The following PROCR variants were observed in gnomAD, a reference collection of about 807,000 sequenced individuals.
PROCR encodes endothelial protein C receptor.
In PROCR, 22 loss-of-function variants were observed where a neutral mutation model predicts 24.2. The observed-to-expected ratio is 0.91, with a 90% CI of 0.65 to 1.30. The LOEUF (loss-of-function observed/expected upper bound fraction) is 1.30, where lower values mean the gene tolerates loss of function less well. PROCR is among the 50% of genes most tolerant of loss of function. PROCR has a pLI of 0.00. For synonymous variants in PROCR, 137 were observed against 139.2 expected, an observed-to-expected ratio of 0.98 and a Z score of 0.11; for missense variants, 288 against 307.7, an observed-to-expected ratio of 0.94 and a Z score of 0.48.
intron 1 of PROCR, among the ~76,000 whole-genome samples, chr20:35,210,513 C>T (rs1188135620): frequency 2.0e-5 from 3 of 152,032 alleles, no homozygotes; most frequent in Non-Finnish European, 4.4e-5. Flanking sequence ...CGCCACTGCA[C>T]TCCAGCCTGG....
chr20:35,172,199 C>G lies in PROCR; in HGVS notation c.45C>G (p.Ala15=). ...LLPILLLSGW[A]FCSQDASDGL... is the part of the protein sequence containing the mutation. ...CGATACTGCTGCTGTCTGGCTGGGC[C>G]TTTTGTAGCCAAGACGCCTCAGATG... is the stretch of plus-strand genomic sequence containing the variant. The change falls in exon 1 of 4, where the codon GCC becomes GCG. Residue 15 remains alanine, a synonymous_variant. Coordinates refer to ENST00000216968, the MANE Select transcript of PROCR (RefSeq NM_006404.5). 6.2e-7 allele frequency: 1 copy of G among 1,614,198 alleles called. No individual in the cohort carries two copies. The highest frequency in any genetic ancestry group is 8.5e-7 in the Non-Finnish European group (1 of 1,180,040).
intron 1 of PROCR, among the ~76,000 whole-genome samples, chr20:35,208,057 C>G (rs565803671): frequency 6.6e-6 from 1 of 152,204 alleles, no homozygotes; most frequent in African/African-American, 2.4e-5. Context: ...AGTGAGCAGG[C>G]CTGGGAGTGG....
downstream of PROCR, among the ~76,000 whole-genome samples, chr20:35,178,414 T>TAAAA (rs374008630): frequency 7.2e-4 from 36 of 49,824 alleles, 1 homozygote; most frequent in South Asian, 3.3e-3. Context: ...TTTTTAATTC[T>TAAAA]AAAAAAAAAA....
chr20:35,172,187 G>A lies in PROCR; in HGVS notation c.33G>A (p.Leu11=). The part of the protein sequence containing the change: MLTTLLPILL[L]SGWAFCSQDA... ...CAACATTGCTGCCGATACTGCTGCT[G>A]TCTGGCTGGGCCTTTTGTAGCCAAG... is the stretch of plus-strand genomic sequence containing the variant. The change falls in exon 1 of 4, where the codon CTG becomes CTA. Residue 11 remains leucine (L), a synonymous_variant. Coordinates refer to ENST00000216968, the MANE Select transcript of PROCR (RefSeq NM_006404.5). The A allele has an allele frequency of 6.2e-7, 1 of 1,614,226 alleles. No homozygotes were observed. The highest frequency in any genetic ancestry group is 8.5e-7 in the Non-Finnish European group (1 of 1,180,038).
intron 1 of PROCR, among the ~76,000 whole-genome samples, chr20:35,208,864 C>T (rs894852751): frequency 1.3e-5 from 2 of 151,988 alleles, no homozygotes; most frequent in East Asian, 1.9e-4. Context: ...ACCAGCTACT[C>T]GGGAGGCTGA....
At chr20:35,176,487 G>A in intron 3 of PROCR, 41 bp downstream of exon 3, 1 of 1,609,444 alleles carries the variant, frequency 6.2e-7, no homozygotes. Context: ...CTGGGGAGAG[G>A]GCGGGTTCCA....
At chr20:35,197,128 T>C (rs2086222913) in intron 1 of PROCR, among the ~76,000 whole-genome samples, 1 of 152,196 alleles carries the variant, frequency 6.6e-6, no homozygotes, top group Non-Finnish European at 1.5e-5. Flanking sequence ...TTCAAACTTG[T>C]TTTTTCTTTT....
intron 1 of PROCR, among the ~76,000 whole-genome samples, chr20:35,184,937 A>G (rs1298994849): frequency 3.3e-5 from 5 of 152,014 alleles, no homozygotes; most frequent in Admixed American, 2.6e-4. Flanking sequence ...GTAAACAGAC[A>G]ACTCACAGAG....
chr20:35,215,920 G>C (rs766849819), exon 2 of PROCR: 8 of 983,816 alleles, frequency 8.1e-6, no homozygotes, highest in Non-Finnish European at 9.7e-6. Context: ...CACTCTGGCC[G>C]GGCGCAGTGG....
chr20:35,183,974 A>G (rs541792951), intron 1 of PROCR, among the ~76,000 whole-genome samples: 137 of 152,350 alleles, frequency 9.0e-4, no homozygotes, highest in Non-Finnish European at 7.9e-4. Context: ...AAATGACCAT[A>G]CTGCCAAAAG....
chr20:35,171,842 C>T (rs905836372), upstream of PROCR, among the ~76,000 whole-genome samples: 2 of 152,072 alleles, frequency 1.3e-5, no homozygotes, highest in African/African-American at 2.4e-5. Flanking sequence ...CCCCCTTTTC[C>T]GCTCCCTGTT....
chr20:35,196,040 A>T (rs1410205937), intron 1 of PROCR, among the ~76,000 whole-genome samples: 1 of 148,300 alleles, frequency 6.7e-6, no homozygotes, highest in Non-Finnish European at 1.5e-5. Context: ...AAATTAGCAC[A>T]GTGTGGTAGC....
intron 1 of PROCR, among the ~76,000 whole-genome samples, chr20:35,184,616 C>T (rs1256482048): frequency 6.6e-6 from 1 of 152,264 alleles, no homozygotes; most frequent in African/African-American, 2.4e-5. Context: ...AGGAGAATGG[C>T]GTGAACCCAG....
rs894109555 is a variant in PROCR at position 35,174,051 on chromosome 20, A to G, written c.71-651A>G. On this transcript the variant is annotated intron_variant, in intron 1 of 3. Coordinates refer to ENST00000216968, the MANE Select transcript of PROCR (RefSeq NM_006404.5). ...TCAGTTTCCCATGTAGACTGGGGTTAATAATAGTAGCTATTGCATTAAGCC... is the reference window on the plus strand; with the variant it reads ...TCAGTTTCCCATGTAGACTGGGGTTGATAATAGTAGCTATTGCATTAAGCC... Among the ~76,000 whole-genome samples the G allele has an allele frequency of 4.6e-5, 7 of 152,290 alleles. No homozygotes were observed. In the East Asian group the frequency reaches 1.2e-3, roughly 25 times the overall value.
chr20:35,207,447 T>C (rs2060346831), intron 1 of PROCR, among the ~76,000 whole-genome samples: 1 of 151,838 alleles, frequency 6.6e-6, no homozygotes, highest in South Asian at 2.1e-4. Flanking sequence ...CTTTTTCCCC[T>C]CATATTACTA....
chr20:35,187,638 C>T (rs546163899), intron 1 of PROCR, among the ~76,000 whole-genome samples: 3 of 152,248 alleles, frequency 2.0e-5, no homozygotes, highest in South Asian at 4.2e-4. Flanking sequence ...TAACTCTGAC[C>T]GTTTAGGGAG....
At position 35,177,355 on chromosome 20, in the gene PROCR, T is replaced by G; in HGVS notation, c.*542T>G. 1.0e-6 allele frequency: 1 copy of G among 981,622 alleles called. No individual in the cohort carries two copies. Among genetic ancestry groups the G allele is most frequent in the Non-Finnish European group, 1.2e-6 (1 of 826,598 alleles). The allele number at this position is 981,622 out of a possible 1,614,324, so 60.8% of individuals were successfully genotyped here. On this transcript the variant is annotated 3_prime_UTR_variant, in exon 4 of 4. Transcript: ENST00000216968. ...AATAATATTAATAAATTTCTTATAT[T>G]TAAGGCATTGTTATCTCCTCCACTT...
chr20:35,211,442 T>A (rs2060362467), intron 1 of PROCR, among the ~76,000 whole-genome samples: 1 of 152,292 alleles, frequency 6.6e-6, no homozygotes, highest in Middle Eastern at 3.4e-3. Flanking sequence ...GCTCCTGGAA[T>A]GAAGAACCAG....
chr20:35,174,527 G>A, intron 1 of PROCR, 175 bp from the exon 2 acceptor site: 1 of 787,970 alleles, frequency 1.3e-6, no homozygotes, highest in Non-Finnish European at 2.2e-6. Context: ...TCCCTGTCCT[G>A]TCCTCCTGGC....
Sources: allele counts gnomAD v4.1 joint callset (sites outside exome capture counted in the v4.1 genomes callset), GRCh38; gene constraint gnomAD v4.1.1; transcripts MANE v1.5; gene names NCBI Gene and HGNC (gene_info 2026-07-23, HGNC 2026-07-21).